The following DST variants were observed in gnomAD, a reference collection of about 807,000 sequenced individuals.
The protein encoded by DST is bullous pemphigoid antigen.
In DST, 253 loss-of-function variants were observed where a neutral mutation model predicts 875.2. That is an observed-to-expected ratio of 0.29 (90% confidence interval 0.26 to 0.32). DST has a LOEUF of 0.32. DST is among the 10% of genes least tolerant of loss of function. DST has a pLI of 1.00. For synonymous variants in DST, 3,124 were observed against 3,197.1 expected (o/e 0.98, Z 0.77); for missense variants, 8,287 against 9,111.6 (o/e 0.91, Z 3.68).
chr6:56,851,344 G>T, intron 4 of DST, 53 bp downstream of exon 4: 3 of 1,551,824 alleles, frequency 1.9e-6, no homozygotes, highest in South Asian at 2.4e-5. Flanking sequence ...GTAGATGGGC[G>T]AATTTCCGCA....
intron 82 of DST, 106 bp downstream of exon 82, chr6:56,497,273 A>G: frequency 7.5e-7 from 1 of 1,330,274 alleles, no homozygotes; most frequent in South Asian, 1.5e-5. Context: ...TCTGCCATAA[A>G]CTATATCTTT....
At chr6:56,490,727 T>G (rs1353327700) in intron 85 of DST, among the ~76,000 whole-genome samples, 1 of 152,136 alleles carries the variant, frequency 6.6e-6, no homozygotes, top group South Asian at 2.1e-4. Context: ...AAACAGCTAG[T>G]CAAGGTGTTA....
At chr6:56,843,870 G>A in intron 4 of DST, 1 of 210,132 alleles carries the variant, frequency 4.8e-6, no homozygotes. Context: ...CGCGCCCCAG[G>A]CCCCCTCCCC....
chr6:56,492,266 T>C lies in DST; in HGVS notation c.20718A>G (p.Arg6906=). The change falls in exon 85 of 104, where the codon AGA becomes AGG. Residue 6906 remains arginine, a synonymous_variant. Transcript: ENST00000680361. ...WEKVVQRLVE[R]GRSLDDARKR... The stretch of plus-strand genomic sequence containing the variant: ...TCCTTGCATCATCCAAAGATCTTCC[T>C]CTCTCTACCAACCGTTGAACCACTT... 1 of 1,613,874 alleles carries C rather than the reference T, an allele frequency of 6.2e-7. No individual in the cohort carries two copies. Among genetic ancestry groups the C allele is most frequent in the Non-Finnish European group, 8.5e-7 (1 of 1,179,804 alleles).
intron 4 of DST, among the ~76,000 whole-genome samples, chr6:56,807,795 A>G (rs748764108): frequency 6.6e-6 from 1 of 152,220 alleles, no homozygotes; most frequent in Non-Finnish European, 1.5e-5. Context: ...ATGTAGCTGC[A>G]TATCTTTATA....
chr6:56,489,463 A>G, intron 86 of DST, 27 bp downstream of exon 86: 1 of 1,601,850 alleles, frequency 6.2e-7, no homozygotes, highest in Non-Finnish European at 8.5e-7. Flanking sequence ...TAATGAGACA[A>G]TATGCTCTTC....
chr6:56,882,315 T>C (rs1481433881), intron 3 of DST, among the ~76,000 whole-genome samples: 3 of 152,216 alleles, frequency 2.0e-5, no homozygotes, highest in African/African-American at 7.2e-5. Flanking sequence ...GATATCCACA[T>C]CCAGCTATCC....
intron 61 of DST, among the ~76,000 whole-genome samples, chr6:56,550,127 CAT>C (rs1338130739): frequency 1.3e-5 from 2 of 152,186 alleles, no homozygotes; most frequent in African/African-American, 2.4e-5. Flanking sequence ...CACACACACA[CAT>C]ACACAGATAA....
intron 10 of DST, among the ~76,000 whole-genome samples, chr6:56,656,160 T>C (rs978031367): frequency 1.3e-5 from 2 of 152,224 alleles, no homozygotes; most frequent in Admixed American, 1.3e-4. Flanking sequence ...AGAATCCTTA[T>C]CGAAATCCAC....
intron 4 of DST, among the ~76,000 whole-genome samples, chr6:56,809,943 C>A (rs2153033937): frequency 6.6e-6 from 1 of 152,182 alleles, no homozygotes; most frequent in South Asian, 2.1e-4. Context: ...ATTTTTGTCT[C>A]CTAGTAGCAC....
At chr6:56,902,186 G>A (rs1345638938) in intron 2 of DST, among the ~76,000 whole-genome samples, 1 of 152,224 alleles carries the variant, frequency 6.6e-6, no homozygotes, top group Non-Finnish European at 1.5e-5. Flanking sequence ...TTGATAATGT[G>A]CTGGTATGAG....
rs780951020 is a variant in DST at position 56,641,927 on chromosome 6, A to G, written c.2027+20T>C. 30 of 1,570,910 alleles carry G rather than the reference A, an allele frequency of 1.9e-5. No individual in the cohort carries two copies. The highest frequency in any genetic ancestry group is 2.2e-5 in the Non-Finnish European group (26 of 1,159,474). ...AGTTACACAAAAAAAGGACAGAGAAAGAATAAGTAGCACTCTTACCTCTGT... is the reference window on the plus strand; with the variant it reads ...AGTTACACAAAAAAAGGACAGAGAAGGAATAAGTAGCACTCTTACCTCTGT... On this transcript the variant is annotated intron_variant, in intron 17 of 103. Coordinates refer to ENST00000680361, the MANE Select transcript of DST (RefSeq NM_001374736.1).
Position 56,476,070 on chromosome 6 carries a change from G to A in DST, c.21864+79C>T, listed in dbSNP as rs564292728. 1,571 of 1,238,490 alleles carry A rather than the reference G, an allele frequency of 1.3e-3. 6 individuals are homozygous for A. The highest frequency in any genetic ancestry group is 3.9e-3 in the Middle Eastern group (14 of 3,624). 76.7% of individuals were successfully genotyped at this position (1,238,490 alleles called of 1,614,324 possible). A position where few individuals can be genotyped will look rare whatever the true frequency, so the allele number is the denominator to read the frequency against. On this transcript the variant is annotated intron_variant, in intron 92 of 103. Coordinates refer to ENST00000680361, the MANE Select transcript of DST (RefSeq NM_001374736.1). ...GTGAAAATAACGAGAACAAAGCAAT[G>A]TTTTGAGAAGTACAGCAGTGAAAGA... is the stretch of plus-strand genomic sequence containing the variant.
intron 2 of DST, among the ~76,000 whole-genome samples, chr6:56,937,615 A>G (rs1813703088): frequency 6.6e-6 from 1 of 152,222 alleles, no homozygotes; most frequent in African/African-American, 2.4e-5. Context: ...TTTAAAAATT[A>G]AACTTACCAT....
At chr6:56,582,328 C>A (rs534517347) in intron 49 of DST, among the ~76,000 whole-genome samples, 18 of 152,158 alleles carry the variant, frequency 1.2e-4, no homozygotes, top group Non-Finnish European at 2.6e-4. Context: ...GTGCTGTCCT[C>A]GACAGTGAGT....
rs769257004 is a variant in DST at position 56,598,678 on chromosome 6, T to C, written c.11726A>G (p.Gln3909Arg). ...GTTTTTCACTACTTCAGCCAATGCC[T>C]GTGCACTTCCTTGCATATCTTTCTG... ...ELQKDMQGSA[Q>R]ALAEVVKNTE... Residue 3909 changes from glutamine (Q) to arginine (R), a missense_variant, in exon 46 of 104, where the codon CAG becomes CGG. By Grantham distance (43) the Gln-to-Arg change is conservative. Transcript: ENST00000680361. 3.7e-6 allele frequency: 6 copies of C among 1,604,012 alleles called. No homozygotes were observed. The highest frequency in any genetic ancestry group is 2.3e-5 in the South Asian group (2 of 88,082).
intron 90 of DST, among the ~76,000 whole-genome samples, chr6:56,480,249 G>A (rs1364911451): frequency 6.6e-6 from 1 of 152,014 alleles, no homozygotes; most frequent in Admixed American, 6.6e-5. Flanking sequence ...TCCCAATACA[G>A]GATCCTCCTA....
chr6:56,611,300 G>A (rs1563179520), intron 38 of DST, among the ~76,000 whole-genome samples: 1 of 151,876 alleles, frequency 6.6e-6, no homozygotes, highest in Non-Finnish European at 1.5e-5. Context: ...TAATACATGG[G>A]GATAATAAGA....
chr6:56,547,160 T>C (rs2097244777), intron 61 of DST, among the ~76,000 whole-genome samples: 1 of 152,168 alleles, frequency 6.6e-6, no homozygotes, highest in African/African-American at 2.4e-5. Context: ...GTATGGTATA[T>C]TCCTTGTATC....
Sources: gnomAD v4.1 joint callset for allele counts (sites outside exome capture counted in the v4.1 genomes callset) on GRCh38, gnomAD v4.1.1 for gene constraint, MANE v1.5 for transcripts, NCBI Gene and HGNC (gene_info 2026-07-23, HGNC 2026-07-21) for gene names.